Variants in MPP7 observed in about 807,000 individuals in gnomAD.
MPP7 encodes MAGUK p55 scaffold protein 7.
A neutral mutation model predicts 76.5 loss-of-function variants in MPP7; 60 were observed. The observed-to-expected ratio is 0.78, with a 90% CI of 0.64 to 0.97. MPP7 has a LOEUF of 0.97. Among genes scored for constraint, MPP7 ranks in the 50% least tolerant of loss-of-function variants. The pLI, the probability that MPP7 is intolerant of heterozygous loss-of-function variation, is 0.00. For synonymous variants in MPP7, 237 were observed against 244.5 expected (o/e 0.97, Z 0.29); for missense variants, 641 against 694.0 (o/e 0.92, Z 0.86).
At position 28,125,144 on chromosome 10, in the gene MPP7, T is replaced by C; in HGVS notation, c.448-53A>G. On this transcript the variant is annotated intron_variant, in intron 6 of 16. Coordinates refer to ENST00000683449, the MANE Select transcript of MPP7 (RefSeq NM_001318170.2). ...GTGGGTAAATGTGTGTACTAGGTGT[T>C]AGAAAAGGAGGAAATAAGGACATTC... The C allele has an allele frequency of 4.2e-6, 6 of 1,440,700 alleles. No homozygotes were observed. The South Asian group carries it at 6.9e-5, about 17-fold the overall frequency. 89.2% of individuals were successfully genotyped at this position (1,440,700 alleles called of 1,614,324 possible). A position where few individuals can be genotyped will look rare whatever the true frequency, so the allele number is the denominator to read the frequency against.
At chr10:28,220,461 T>G (rs545006936) in intron 2 of MPP7, among the ~76,000 whole-genome samples, 2 of 152,164 alleles carry the variant, frequency 1.3e-5, no homozygotes, top group Non-Finnish European at 2.9e-5. Context: ...TAAAATGCAG[T>G]ATTGGCTTTA....
intron 12 of MPP7, among the ~76,000 whole-genome samples, chr10:28,082,321 T>C (rs752886019): frequency 1.3e-5 from 2 of 152,222 alleles, no homozygotes; most frequent in African/African-American, 2.4e-5. Context: ...CCTACTGATA[T>C]TTGAACATTT....
chr10:28,130,266 A>G (rs1008737947), intron 6 of MPP7, among the ~76,000 whole-genome samples: 9 of 152,146 alleles, frequency 5.9e-5, no homozygotes, highest in African/African-American at 1.9e-4. Flanking sequence ...GATGTTCAAA[A>G]ACACTTGCAA....
chr10:28,195,753 G>T (rs1837560711), intron 3 of MPP7, among the ~76,000 whole-genome samples: 1 of 152,194 alleles, frequency 6.6e-6, no homozygotes, highest in South Asian at 2.1e-4. Context: ...AAGGATTGAA[G>T]AATGATGGCT....
intron 12 of MPP7, among the ~76,000 whole-genome samples, chr10:28,075,651 A>G (rs1327753399): frequency 6.6e-6 from 1 of 151,936 alleles, no homozygotes; most frequent in African/African-American, 2.4e-5. Context: ...TTGCTCTTTT[A>G]TGCACACTCC....
At chr10:28,312,142 G>C (rs1841293389) in intron 2 of MPP7, among the ~76,000 whole-genome samples, 1 of 152,090 alleles carries the variant, frequency 6.6e-6, no homozygotes, top group Non-Finnish European at 1.5e-5. Context: ...GCGTGAAAGG[G>C]TACCTGAGCT....
At chr10:28,074,362 A>C (rs1270237656) in intron 12 of MPP7, among the ~76,000 whole-genome samples, 1 of 151,778 alleles carries the variant, frequency 6.6e-6, no homozygotes, top group Non-Finnish European at 1.5e-5. Flanking sequence ...CAATGGCGTG[A>C]TCATGGCTCA....
intron 2 of MPP7, among the ~76,000 whole-genome samples, chr10:28,315,550 C>T (rs757840155): frequency 6.6e-6 from 1 of 152,114 alleles, no homozygotes; most frequent in Non-Finnish European, 1.5e-5. Flanking sequence ...TTTGAGTTTG[C>T]GTCTCCTGAA....
intron 12 of MPP7, among the ~76,000 whole-genome samples, chr10:28,076,264 CAAGGTAA>C (rs1310753441): frequency 6.6e-6 from 1 of 152,106 alleles, no homozygotes; most frequent in Non-Finnish European, 1.5e-5. Flanking sequence ...GTATTCACAT[CAAGGTAA>C]AACCTGAGAC....
intron 1 of MPP7, among the ~76,000 whole-genome samples, chr10:28,282,611 G>A (rs1383464778): frequency 6.6e-6 from 1 of 151,924 alleles, no homozygotes; most frequent in Admixed American, 6.5e-5. Context: ...GTGAGTAAGT[G>A]GGAAAAGGAC....
chr10:28,061,456 C>T (rs893596180), intron 13 of MPP7, among the ~76,000 whole-genome samples: 16 of 151,502 alleles, frequency 1.1e-4, no homozygotes, highest in Admixed American at 3.3e-4. Context: ...AAAGAAAAGC[C>T]AGTGAACTTG....
intron 3 of MPP7, among the ~76,000 whole-genome samples, chr10:28,153,254 A>T (rs563093903): frequency 2.0e-5 from 3 of 152,198 alleles, no homozygotes; most frequent in African/African-American, 7.2e-5. Flanking sequence ...ACTCCATCTC[A>T]AAAAAGAAAA....
chr10:28,131,424 C>A (rs752508544), intron 6 of MPP7, 136 bp downstream of exon 6: 19 of 706,880 alleles, frequency 2.7e-5, no homozygotes, highest in Non-Finnish European at 3.6e-5. Context: ...AAAGCATGTT[C>A]TTTAGACATC....
rs1304530937 is a variant in MPP7 at position 28,270,532 on chromosome 10, A to AAAGG, written c.-131-31798_-131-31797insCCTT. Among the ~76,000 whole-genome samples, 80 of 15,502 alleles carry AAAGG rather than the reference A, an allele frequency of 5.2e-3. 1 individual carries two copies. Among genetic ancestry groups the AAAGG allele is most frequent in the Non-Finnish European group, 6.7e-3 (56 of 8,350 alleles). 10.2% of individuals were successfully genotyped at this position (15,502 alleles called of 152,430 possible). A position where few individuals can be genotyped will look rare whatever the true frequency, so the allele number is the denominator to read the frequency against. On this transcript the variant is annotated intron_variant, in intron 1 of 16. Coordinates refer to ENST00000683449, the MANE Select transcript of MPP7 (RefSeq NM_001318170.2). ...AAGACTATCTCTTTAAAAAAAAAAA[A>AAAGG]GGGGGGGGGGGAGGAGGGGAGCTGG...
At chr10:28,213,816 A>C (rs531939446) in intron 2 of MPP7, among the ~76,000 whole-genome samples, 152 of 148,182 alleles carry the variant, frequency 1.0e-3, no homozygotes, top group Admixed American at 3.1e-3. Flanking sequence ...AAAAAGAGAG[A>C]GAGAGAGAGA....
At chr10:28,270,181 C>A (rs1042177890) in intron 1 of MPP7, among the ~76,000 whole-genome samples, 1 of 152,142 alleles carries the variant, frequency 6.6e-6, no homozygotes, top group Non-Finnish European at 1.5e-5. Flanking sequence ...TTGACACAGT[C>A]CTTACGGAAC....
At chr10:28,207,742 G>C (rs1032127398) in intron 2 of MPP7, among the ~76,000 whole-genome samples, 2 of 151,854 alleles carry the variant, frequency 1.3e-5, no homozygotes, top group Admixed American at 1.3e-4. Context: ...GGCTATACTG[G>C]AACTTGCAGG....
At chr10:28,110,921 C>CA (rs1203596615) in intron 11 of MPP7, among the ~76,000 whole-genome samples, 4 of 151,784 alleles carry the variant, frequency 2.6e-5, no homozygotes, top group Admixed American at 6.6e-5. Context: ...CTGCATAAAG[C>CA]AAAAAAATGC....
intron 2 of MPP7, among the ~76,000 whole-genome samples, chr10:28,226,760 T>C (rs551306090): frequency 6.6e-6 from 1 of 152,186 alleles, no homozygotes; most frequent in Non-Finnish European, 1.5e-5. Context: ...AAAGACATCA[T>C]TAACGGTTAC....
Sources: allele counts gnomAD v4.1 joint callset (sites outside exome capture counted in the v4.1 genomes callset), GRCh38; gene constraint gnomAD v4.1.1; transcripts MANE v1.5; gene names NCBI Gene and HGNC (gene_info 2026-07-23, HGNC 2026-07-21).